The following PTPRZ1 variants were observed in gnomAD, a reference collection of about 807,000 sequenced individuals.
The protein encoded by PTPRZ1 is protein tyrosine phosphatase receptor type Z1.
In PTPRZ1, 82 loss-of-function variants were observed where a neutral mutation model predicts 214.1. That is an observed-to-expected ratio of 0.38 (90% CI 0.32 to 0.46). The LOEUF is 0.46. Ranked by LOEUF, PTPRZ1 falls within the 20% of genes least tolerant of loss-of-function variation. The pLI is 1.00. For synonymous variants in PTPRZ1, 945 were observed against 987.9 expected (o/e 0.96, Z 0.81); for missense variants, 2,603 against 2,748.7 (o/e 0.95, Z 1.19).
intron 1 of PTPRZ1, among the ~76,000 whole-genome samples, chr7:121,909,377 A>C (rs868502335): frequency 5.3e-5 from 8 of 150,636 alleles, no homozygotes; most frequent in Middle Eastern, 6.9e-3. Flanking sequence ...AACTGGAACG[A>C]GTTCCAGTCC....
rs746950938 is a variant in PTPRZ1, at chr7:121,976,752, T to A, written c.553-33T>A. 3 of 1,505,948 alleles carry A rather than the reference T, an allele frequency of 2.0e-6. No individual in the cohort carries two copies. In the South Asian group the frequency reaches 3.7e-5, roughly 19 times the overall value. The allele number at this position is 1,505,948 out of a possible 1,614,324, so 93.3% of individuals were successfully genotyped here. A position where few individuals can be genotyped will look rare whatever the true frequency, so the allele number is the denominator to read the frequency against. On this transcript the variant is annotated intron_variant, in intron 5 of 29. Coordinates refer to ENST00000393386, the MANE Select transcript of PTPRZ1 (RefSeq NM_002851.3). ...ATTGAATAGTTATCCAAATGTTTTATTCTTTTTTTAGAATGTGATTCTTTT... is the reference window on the plus strand; with the variant it reads ...ATTGAATAGTTATCCAAATGTTTTAATCTTTTTTTAGAATGTGATTCTTTT...
intron 2 of PTPRZ1, among the ~76,000 whole-genome samples, chr7:121,962,050 A>C (rs1796895214): frequency 6.6e-6 from 1 of 152,194 alleles, no homozygotes. Flanking sequence ...AATATAGTGA[A>C]TTCTGTATAC....
intron 1 of PTPRZ1, among the ~76,000 whole-genome samples, chr7:121,902,005 C>T (rs1195919138): frequency 2.6e-5 from 4 of 152,166 alleles, no homozygotes; most frequent in African/African-American, 7.2e-5. Context: ...TCTCCATTCC[C>T]GACTGTCCCC....
chr7:121,954,644 C>T (rs1796653112), intron 2 of PTPRZ1, among the ~76,000 whole-genome samples: 1 of 152,160 alleles, frequency 6.6e-6, no homozygotes, highest in African/African-American at 2.4e-5. Context: ...CTTTGGTTCT[C>T]ACTAGAACAT....
chr7:121,963,174 A>G (rs1796932203), intron 2 of PTPRZ1, among the ~76,000 whole-genome samples: 2 of 152,198 alleles, frequency 1.3e-5, no homozygotes, highest in Non-Finnish European at 2.9e-5. Context: ...AAAATAGTTT[A>G]AACAAGAGCT....
In PTPRZ1 at chr7:122,012,053, A is replaced by G. The variant is rs781155449; in HGVS notation, c.3007A>G (p.Ser1003Gly). ...GGAATGGTCTGGAGCCTCTTCTGAT[A>G]GTGAATTTCTTTTACCTGACACAGA... ...DGEWSGASSD[S>G]EFLLPDTDGL... Residue 1003 changes from serine to glycine, a missense_variant, in exon 12 of 30, where the codon AGT (serine) becomes GGT (glycine). Ser to Gly is a moderately conservative substitution (Grantham distance 56). Transcript: ENST00000393386. 4.3e-6 allele frequency: 7 copies of G among 1,614,204 alleles called. No individual in the cohort carries two copies. The highest frequency in any genetic ancestry group is 5.9e-6 in the Non-Finnish European group (7 of 1,180,032).
intron 25 of PTPRZ1, 58 bp from the exon 26 acceptor site, chr7:122,053,852 A>G: frequency 6.3e-7 from 1 of 1,591,720 alleles, no homozygotes; most frequent in Non-Finnish European, 8.6e-7. Flanking sequence ...ATAAATGCTT[A>G]TCTGAATGTT....
rs1798736664 is a variant in PTPRZ1 at position 122,013,273 on chromosome 7, T to C, written c.4227T>C (p.Asp1409=). 3 of 1,613,988 alleles carry C rather than the reference T, an allele frequency of 1.9e-6. No homozygotes were observed. The highest frequency in any genetic ancestry group is 2.5e-6 in the Non-Finnish European group (3 of 1,180,004). The part of the protein sequence containing the change: ...TSELSHSAKS[D]AGLVGGGEDG... ...AGCTGAGTCATAGTGCCAAATCTGA[T>C]GCCGGTTTAGTGGGTGGTGGTGAAG... The change falls in exon 12 of 30, where the codon GAT becomes GAC. Residue 1409 remains aspartate, a synonymous_variant. Coordinates refer to ENST00000393386, the MANE Select transcript of PTPRZ1 (RefSeq NM_002851.3).
rs753728224 is a variant in PTPRZ1 at position 121,928,149 on chromosome 7, T to A, written c.59-7T>A. The stretch of plus-strand genomic sequence containing the variant: ...CATACTGATTACTTGGTTTTTCTTT[T>A]TTATAGATTGGGCTAATGGATACTA... On this transcript the variant is annotated splice_region_variant and splice_polypyrimidine_tract_variant and intron_variant, in intron 1 of 29. Coordinates refer to ENST00000393386, the MANE Select transcript of PTPRZ1 (RefSeq NM_002851.3). The A allele has an allele frequency of 6.2e-7, 1 of 1,608,510 alleles. No homozygotes were observed. The highest frequency in any genetic ancestry group is 8.5e-7 in the Non-Finnish European group (1 of 1,175,934).
intron 23 of PTPRZ1, among the ~76,000 whole-genome samples, chr7:122,046,227 G>A (rs1791976889): frequency 6.6e-6 from 1 of 152,128 alleles, no homozygotes; most frequent in Middle Eastern, 3.4e-3. Context: ...ACCAGCTTGG[G>A]CAACAGAGCA....
At chr7:122,022,350 G>T (rs192452138) in intron 13 of PTPRZ1, among the ~76,000 whole-genome samples, 382 of 152,186 alleles carry the variant, frequency 2.5e-3, no homozygotes, top group African/African-American at 9.1e-3. Flanking sequence ...ATCCTTTGCT[G>T]CCTATTTTTT....
chr7:121,973,101 A>G (rs1394133343), intron 4 of PTPRZ1, among the ~76,000 whole-genome samples: 3 of 152,170 alleles, frequency 2.0e-5, no homozygotes, highest in Non-Finnish European at 4.4e-5. Context: ...AGAAAGTCTA[A>G]ATTGGTAGAC....
chr7:121,971,560 C>G (rs1196478), intron 3 of PTPRZ1, among the ~76,000 whole-genome samples: 85,035 of 151,892 alleles, frequency 0.56, 24,228 homozygotes, highest in African/African-American at 0.65. Flanking sequence ...TTTGAGCAAC[C>G]TACTTAGCCT....
rs143422308 is a variant in PTPRZ1 at position 122,011,477 on chromosome 7, C to G, written c.2431C>G (p.Leu811Val). Residue 811 changes from leucine (L) to valine (V), a missense_variant, in exon 12 of 30, where the codon CTG becomes GTG. Around this residue, in one of 6 missense-constraint regions of PTPRZ1, gnomAD observed 1,913 missense variants for 1,914.3 expected, o/e 1.00. Coordinates refer to ENST00000393386, the MANE Select transcript of PTPRZ1 (RefSeq NM_002851.3). ...TGTCGATGTGTCATTTGAATCCATC[C>G]TGTCTTCCTATGATGGTGCACCTTT... is the stretch of plus-strand genomic sequence containing the variant. Reference protein sequence around the residue: ...PSVDVSFESILSSYDGAPLLP... With the variant: ...PSVDVSFESIVSSYDGAPLLP... The G allele has an allele frequency of 2.1e-5, 34 of 1,613,814 alleles. No individual in the cohort carries two copies. Among genetic ancestry groups the G allele is most frequent in the Non-Finnish European group, 2.8e-5 (33 of 1,179,868 alleles).
In PTPRZ1 at chr7:121,997,955, T is replaced by C. The variant is rs749867337; in HGVS notation, c.1189T>C (p.Tyr397His). 1 of 1,613,414 alleles carries C rather than the reference T, an allele frequency of 6.2e-7. No individual in the cohort carries two copies. Among genetic ancestry groups the C allele is most frequent in the East Asian group, 2.2e-5 (1 of 44,830 alleles). The change falls in exon 10 of 30, where the codon TAT (tyrosine) becomes CAT (histidine). Residue 397 changes from tyrosine (Y) to histidine (H), a missense_variant. Coordinates refer to ENST00000393386, the MANE Select transcript of PTPRZ1 (RefSeq NM_002851.3). ...QIVAICTNGL[Y>H]GKYSDQLIVD... is the part of the protein sequence containing the mutation. Reference sequence around the variant, plus strand: ...AGTAGCCATATGCACTAATGGCTTATATGGAAAATACAGCGACCAACTGAT... The same window carrying C: ...AGTAGCCATATGCACTAATGGCTTACATGGAAAATACAGCGACCAACTGAT...
chr7:122,061,186 G>T lies in PTPRZ1; in HGVS notation c.6914G>T (p.Gly2305Val). Residue 2305 changes from glycine to valine, a missense_variant, in exon 30 of 30, where the codon GGA becomes GTA. By Grantham distance (109) the Gly-to-Val change is moderately radical. Around this residue, in one of 6 missense-constraint regions of PTPRZ1, gnomAD observed 165 missense variants for 151.4 expected, o/e 1.09. Coordinates refer to ENST00000393386, the MANE Select transcript of PTPRZ1 (RefSeq NM_002851.3). Reference sequence around the variant, plus strand: ...AGTAATGGTGCAGCATTGCCTGATGGAAATATAGCTGAGAGCTTAGAGTCT... The same window carrying T: ...AGTAATGGTGCAGCATTGCCTGATGTAAATATAGCTGAGAGCTTAGAGTCT... ...LDSNGAALPDGNIAESLESLV is the reference protein window; with the variant it reads ...LDSNGAALPDVNIAESLESLV 1.9e-6 allele frequency: 3 copies of T among 1,607,538 alleles called. No homozygotes were observed. Among genetic ancestry groups the T allele is most frequent in the Non-Finnish European group, 2.6e-6 (3 of 1,176,032 alleles).
At chr7:121,876,657 A>G (rs932299842) in intron 1 of PTPRZ1, among the ~76,000 whole-genome samples, 2 of 152,188 alleles carry the variant, frequency 1.3e-5, no homozygotes, top group Non-Finnish European at 2.9e-5. Flanking sequence ...AATAATAACT[A>G]GCCTCTATTC....
chr7:121,990,123 A>T (rs1228651608), intron 8 of PTPRZ1, among the ~76,000 whole-genome samples: 2 of 152,176 alleles, frequency 1.3e-5, no homozygotes, highest in Admixed American at 6.5e-5. Flanking sequence ...TTTTGCCATT[A>T]TAAATATCTA....
chr7:122,037,509 C>A (rs995931079), intron 18 of PTPRZ1, among the ~76,000 whole-genome samples: 5 of 152,152 alleles, frequency 3.3e-5, no homozygotes, highest in Non-Finnish European at 5.9e-5. Flanking sequence ...CGCTCACTAA[C>A]TAAATTGGTT....
Sources: allele counts gnomAD v4.1 joint callset (sites outside exome capture counted in the v4.1 genomes callset), GRCh38; gene constraint gnomAD v4.1.1; regional missense constraint gnomAD v4.1.1; transcripts MANE v1.5; gene names NCBI Gene and HGNC (gene_info 2026-07-23, HGNC 2026-07-21).